NMU: variants seen among roughly 807,000 people sequenced by gnomAD.
NMU encodes the protein neuromedin U.
A neutral mutation model predicts 35.4 loss-of-function variants in NMU; 29 were observed. That is an observed-to-expected ratio of 0.82 (90% CI 0.61 to 1.12). The LOEUF is 1.12. NMU is among the 50% of genes most tolerant of loss of function. The pLI is 0.00. For synonymous variants in NMU, 78 were observed against 81.3 expected (o/e 0.96, Z 0.22); for missense variants, 199 against 206.2 (o/e 0.97, Z 0.21).
intron 3 of NMU, among the ~76,000 whole-genome samples, chr4:55,611,592 T>C (rs1733933753): frequency 6.6e-6 from 1 of 152,230 alleles, no homozygotes; most frequent in African/African-American, 2.4e-5. Flanking sequence ...CCATTCATGG[T>C]GAGTGCCCTA....
In NMU at chr4:55,607,298, CACA is replaced by C. The variant is rs752907237; in HGVS notation, c.357_359del (p.Val120del). ...ACTAAGAAGTAGTTCTACAACTTAC[CACA>C]ACATTTGACTTGCCCAACTTCTGTG... is the stretch of plus-strand genomic sequence containing the variant. On this transcript the variant is annotated inframe_deletion and splice_region_variant, in exon 6 of 10. Coordinates refer to ENST00000264218, the MANE Select transcript of NMU (RefSeq NM_006681.4). 6.9e-6 allele frequency: 11 copies of C among 1,600,658 alleles called. No individual in the cohort carries two copies. Among genetic ancestry groups the C allele is most frequent in the African/African-American group, 1.3e-5 (1 of 74,554 alleles).
At chr4:55,629,977 T>C (rs11727450) in intron 2 of NMU, among the ~76,000 whole-genome samples, 7,696 of 152,238 alleles carry the variant, frequency 0.051, 242 homozygotes, top group Non-Finnish European at 0.076. Flanking sequence ...TGAATTCTAT[T>C]TGATGAGATA....
At chr4:55,605,467 A>T in intron 6 of NMU, 118 bp from the exon 7 acceptor site, 1 of 782,532 alleles carries the variant, frequency 1.3e-6, no homozygotes, top group Non-Finnish European at 2.3e-6. Context: ...CAAAACAGAA[A>T]ATTAAAGATG....
chr4:55,613,600 G>A (rs1046112088), intron 3 of NMU, among the ~76,000 whole-genome samples: 1 of 152,052 alleles, frequency 6.6e-6, no homozygotes, highest in Non-Finnish European at 1.5e-5. Flanking sequence ...TATCCCCATT[G>A]AATCACGCCC....
intron 3 of NMU, among the ~76,000 whole-genome samples, chr4:55,610,656 T>C (rs1315598199): frequency 6.6e-6 from 1 of 152,182 alleles, no homozygotes; most frequent in Non-Finnish European, 1.5e-5. Context: ...TTCCATTTGT[T>C]TGCTTGTCAT....
At chr4:55,636,448 G>C (rs1220344721), upstream of NMU, 1 of 447,596 alleles carries the variant, frequency 2.2e-6, no homozygotes, top group Non-Finnish European at 3.8e-6. This position sits in a 1 kb window ranked among gnomAD's most constrained non-coding sequence, Gnocchi z 4.0. Flanking sequence ...CCCTGCAGCA[G>C]GACCCGAGCC....
chr4:55,604,026 T>TGTATATATACATGTGTATATATACAC (rs1577937028), intron 7 of NMU, among the ~76,000 whole-genome samples: 2 of 85,530 alleles, frequency 2.3e-5, no homozygotes, highest in South Asian at 4.0e-4. Context: ...TGTATATATA[T>TGTATATATACATGTGTATATATACAC]AATCCTAGAA....
intron 1 of NMU, among the ~76,000 whole-genome samples, chr4:55,631,190 A>G (rs1734740082): frequency 1.3e-5 from 2 of 152,182 alleles, no homozygotes; most frequent in South Asian, 4.1e-4. Flanking sequence ...CCTATCAAAG[A>G]CTTAAATATA....
At chr4:55,611,820 C>T (rs1733943472) in intron 3 of NMU, among the ~76,000 whole-genome samples, 2 of 152,096 alleles carry the variant, frequency 1.3e-5, no homozygotes, top group Non-Finnish European at 2.9e-5. Context: ...ACAAATCATC[C>T]AAGGACATAT....
upstream of NMU, chr4:55,636,387 C>T (rs1393363738): frequency 1.2e-6 from 1 of 812,416 alleles, no homozygotes; most frequent in Non-Finnish European, 1.7e-6. The surrounding 1 kb of genome is among the most constrained non-coding windows in gnomAD (Gnocchi z 4.0). Flanking sequence ...CGCCGCCTGC[C>T]GCCCCCGGCC....
intron 1 of NMU, among the ~76,000 whole-genome samples, chr4:55,634,600 CAT>C (rs1715801090): frequency 6.6e-6 from 1 of 152,156 alleles, no homozygotes; most frequent in East Asian, 1.9e-4. Flanking sequence ...TCACTGCAAG[CAT>C]ATAGCATGCA....
At position 55,607,363 on chromosome 4, in the gene NMU, C is replaced by T. The variant is rs1472519644; in HGVS notation, c.310-15G>A. On this transcript the variant is annotated splice_polypyrimidine_tract_variant and intron_variant, in intron 5 of 9. Coordinates refer to ENST00000264218, the MANE Select transcript of NMU (RefSeq NM_006681.4). ...TGAAATAAGAACTGTTTAAAAAAAG[C>T]AGTAAGTTTTACTATAAAAATTAAT... 6.3e-7 allele frequency: 1 copy of T among 1,583,474 alleles called. No homozygotes were observed. Among genetic ancestry groups the T allele is most frequent in the Non-Finnish European group, 8.7e-7 (1 of 1,153,254 alleles).
chr4:55,625,249 A>T (rs116839051), intron 2 of NMU, among the ~76,000 whole-genome samples: 3,216 of 148,560 alleles, frequency 0.022, 106 homozygotes, highest in African/African-American at 0.075. Flanking sequence ...CTTTAAATAT[A>T]TTTTTTTCTG....
rs1188786876 is a variant in NMU, at chr4:55,595,421, A to G, written c.*5-10T>C. 1.3e-5 allele frequency: 2 copies of G among 151,896 alleles called. No individual in the cohort carries two copies. Among genetic ancestry groups the G allele is most frequent in the Non-Finnish European group, 2.9e-5 (2 of 67,924 alleles). 9.4% of individuals were successfully genotyped at this position (151,896 alleles called of 1,614,324 possible). ...AAAATTAGCTGGCATCCTGTAAAAA[A>G]AGAAAAATTGAATTAAAGTGTAAAT... is the stretch of plus-strand genomic sequence containing the variant. On this transcript the variant is annotated splice_polypyrimidine_tract_variant and intron_variant, in intron 9 of 9. Transcript: ENST00000264218.
chr4:55,624,410 T>A (rs1734436843), intron 2 of NMU, among the ~76,000 whole-genome samples: 1 of 51,080 alleles, frequency 2.0e-5, no homozygotes, highest in Non-Finnish European at 4.1e-5. Flanking sequence ...AAAAAACACA[T>A]GAAAAAATGC....
chr4:55,634,901 C>CA (rs201331596), intron 1 of NMU, among the ~76,000 whole-genome samples: 11,980 of 152,024 alleles, frequency 0.079, 526 homozygotes, highest in African/African-American at 0.1. Context: ...CACACACACA[C>CA]CCCCCTCCAA....
intron 2 of NMU, among the ~76,000 whole-genome samples, chr4:55,619,912 C>A (rs1236829081): frequency 7.8e-6 from 1 of 128,710 alleles, no homozygotes; most frequent in Non-Finnish European, 1.7e-5. Flanking sequence ...CACACTGACA[C>A]CTCACAAGGC....
chr4:55,633,252 G>A (rs1282244834), intron 1 of NMU, among the ~76,000 whole-genome samples: 1 of 151,618 alleles, frequency 6.6e-6, no homozygotes, highest in Admixed American at 6.6e-5. Context: ...ATGAACCCGG[G>A]AGGCGGAGCT....
At chr4:55,616,291 C>G (rs1734106050) in intron 3 of NMU, 47 bp downstream of exon 3, 1 of 1,421,852 alleles carries the variant, frequency 7.0e-7, no homozygotes, top group Non-Finnish European at 1.0e-6. Flanking sequence ...AGTTTAAGCA[C>G]TACACAAACA....
Sources: gnomAD v4.1 joint callset for allele counts (sites outside exome capture counted in the v4.1 genomes callset) on GRCh38, gnomAD v4.1.1 for gene constraint, Gnocchi (gnomAD v3.1) non-coding constraint, MANE v1.5 for transcripts, NCBI Gene and HGNC (gene_info 2026-07-23, HGNC 2026-07-21) for gene names.